Variants in TMEFF2 observed in about 807,000 individuals in gnomAD.
TMEFF2 encodes transmembrane protein with EGF like and two follistatin like domains 2, also known as tomoregulin-2.
TMEFF2 carries 28 observed loss-of-function variants against 53.8 expected under a neutral mutation model. That is an observed-to-expected ratio of 0.52 (90% CI 0.39 to 0.71). The LOEUF (loss-of-function observed/expected upper bound fraction) is 0.71. TMEFF2 is among the 30% of genes least tolerant of loss of function. TMEFF2 has a pLI of 0.00. For synonymous variants in TMEFF2, 162 were observed against 166.3 expected (o/e 0.97, Z 0.20); for missense variants, 353 against 455.2 (o/e 0.78, Z 2.04).
At chr2:191,964,307 CTT>C (rs1380345294) in intron 7 of TMEFF2, among the ~76,000 whole-genome samples, 1 of 141,032 alleles carries the variant, frequency 7.1e-6, no homozygotes, top group African/African-American at 2.7e-5. Flanking sequence ...TTCTTTCCTT[CTT>C]TCTTTCCTTC....
At chr2:192,049,474 A>G (rs944809552) in intron 5 of TMEFF2, among the ~76,000 whole-genome samples, 1 of 152,170 alleles carries the variant, frequency 6.6e-6, no homozygotes, top group Admixed American at 6.5e-5. Context: ...CTACAATGAG[A>G]TTCCTATTAT....
At chr2:191,965,024 C>T (rs1375208153) in intron 7 of TMEFF2, among the ~76,000 whole-genome samples, 3 of 152,156 alleles carry the variant, frequency 2.0e-5, no homozygotes, top group African/African-American at 2.4e-5. Flanking sequence ...TAAGGTTCTT[C>T]TCTTGTTGCA....
chr2:191,957,323 C>T (rs1461022262), intron 7 of TMEFF2, among the ~76,000 whole-genome samples: 1 of 151,994 alleles, frequency 6.6e-6, no homozygotes, highest in Admixed American at 6.6e-5. Flanking sequence ...AATTTCTGCC[C>T]AAACACATGA....
intron 5 of TMEFF2, among the ~76,000 whole-genome samples, chr2:192,018,320 G>T (rs1178520419): frequency 2.6e-5 from 4 of 151,974 alleles, no homozygotes; most frequent in African/African-American, 9.7e-5. Flanking sequence ...AGAGGTAAAG[G>T]GCTTCAACGT....
chr2:192,063,682 C>T (rs991941519), intron 4 of TMEFF2, among the ~76,000 whole-genome samples: 4 of 151,496 alleles, frequency 2.6e-5, no homozygotes, highest in Admixed American at 1.3e-4. Flanking sequence ...AGTAAATTTG[C>T]GTCTAGTTCT....
At chr2:192,055,585 G>A (rs375490872) in intron 5 of TMEFF2, among the ~76,000 whole-genome samples, 7 of 151,900 alleles carry the variant, frequency 4.6e-5, no homozygotes, top group Admixed American at 3.3e-4. Flanking sequence ...GACCAGCCTG[G>A]CCAATATGAT....
rs141673698 is a variant in TMEFF2 at position 192,065,205 on chromosome 2, T to C, written c.440-7430A>G. ...CTATTATATTTTGGCTTTCTCCCAA[T>C]GTAACGCTACTCTTCCTACTTTATG... On this transcript the variant is annotated intron_variant, in intron 4 of 9. Transcript: ENST00000272771. 3.9e-3 allele frequency among the ~76,000 whole-genome samples: 590 copies of C among 151,950 alleles called. 5 individuals carry two copies. The highest frequency in any genetic ancestry group is 0.013 in the African/African-American group (538 of 41,532).
At chr2:191,964,261 TTTC>T (rs1445079894) in intron 7 of TMEFF2, among the ~76,000 whole-genome samples, 2 of 4,094 alleles carry the variant, frequency 4.9e-4, no homozygotes, top group Non-Finnish European at 0.014. Flanking sequence ...TCCTTCCTCC[TTTC>T]TTTTCTTTTT....
chr2:192,047,022 G>A (rs1412303531), intron 5 of TMEFF2, among the ~76,000 whole-genome samples: 1 of 151,910 alleles, frequency 6.6e-6, no homozygotes, highest in Non-Finnish European at 1.5e-5. Flanking sequence ...CCAGGTTCAG[G>A]CAATTCTCCT....
At chr2:191,978,588 A>G (rs1685784492) in intron 7 of TMEFF2, among the ~76,000 whole-genome samples, 1 of 152,218 alleles carries the variant, frequency 6.6e-6, no homozygotes, top group Middle Eastern at 3.4e-3. Context: ...TTTTTCTCTA[A>G]AATACAAGTA....
At chr2:191,988,002 G>C (rs1427872259) in intron 7 of TMEFF2, among the ~76,000 whole-genome samples, 1 of 152,110 alleles carries the variant, frequency 6.6e-6, no homozygotes, top group Non-Finnish European at 1.5e-5. Flanking sequence ...ATTACAATTA[G>C]CTATGTTTCC....
intron 4 of TMEFF2, among the ~76,000 whole-genome samples, chr2:192,156,350 G>A (rs1690506190): frequency 6.6e-6 from 1 of 151,884 alleles, no homozygotes; most frequent in African/African-American, 2.4e-5. Flanking sequence ...ACTCTATGAG[G>A]CAGAAATTGT....
intron 4 of TMEFF2, among the ~76,000 whole-genome samples, chr2:192,102,626 C>CTTTTTTTTTTTTTTTTTTTTTT (rs10635775): frequency 9.1e-6 from 1 of 109,844 alleles, no homozygotes; most frequent in Non-Finnish European, 1.7e-5. Context: ...TTTTCTTGTT[C>CTTTTTTTTTTTTTTTTTTTTTT]TTTTTTTTTT....
At chr2:192,059,105 T>C (rs1051244727) in intron 4 of TMEFF2, among the ~76,000 whole-genome samples, 4 of 152,192 alleles carry the variant, frequency 2.6e-5, no homozygotes, top group African/African-American at 9.7e-5. Flanking sequence ...GAGAGTTATC[T>C]GTTTTATAAC....
At chr2:192,096,006 TTTAAA>T (rs1405509163) in intron 4 of TMEFF2, among the ~76,000 whole-genome samples, 1 of 152,202 alleles carries the variant, frequency 6.6e-6, no homozygotes, top group African/African-American at 2.4e-5. Flanking sequence ...GTTATTACCC[TTTAAA>T]TTGTGAAGAG....
intron 7 of TMEFF2, among the ~76,000 whole-genome samples, chr2:191,981,392 C>A (rs546210166): frequency 6.6e-6 from 1 of 152,166 alleles, no homozygotes; most frequent in Admixed American, 6.5e-5. Flanking sequence ...TTCTGAAACA[C>A]TCTTGACTTC....
At chr2:192,138,641 A>C (rs1039824488) in intron 4 of TMEFF2, among the ~76,000 whole-genome samples, 1 of 150,912 alleles carries the variant, frequency 6.6e-6, no homozygotes, top group African/African-American at 2.4e-5. Flanking sequence ...CTCCTAATAG[A>C]AAGCATTTGA....
chr2:192,135,624 G>A (rs925750734), intron 4 of TMEFF2, among the ~76,000 whole-genome samples: 22 of 151,614 alleles, frequency 1.5e-4, no homozygotes, highest in South Asian at 2.1e-4. Flanking sequence ...AATTTTCGCC[G>A]CCCCAACACT....
chr2:192,055,057 AAAAG>A (rs1687868913), intron 5 of TMEFF2, among the ~76,000 whole-genome samples: 1 of 152,174 alleles, frequency 6.6e-6, no homozygotes, highest in African/African-American at 2.4e-5. Context: ...ATTCTTAAAA[AAAAG>A]AGACTCATGT....
Sources: gnomAD v4.1 joint callset for allele counts (sites outside exome capture counted in the v4.1 genomes callset) on GRCh38, gnomAD v4.1.1 for gene constraint, MANE v1.5 for transcripts, NCBI Gene and HGNC (gene_info 2026-07-23, HGNC 2026-07-21) for gene names.